The following REXO1 variants were observed in gnomAD, a reference collection of about 807,000 sequenced individuals.
REXO1 encodes the protein RNA exonuclease 1 homolog, also known as REX1, RNA exonuclease 1 homolog.
Under a neutral mutation model 102.6 loss-of-function variants are expected in REXO1, and 42 were observed. The ratio of observed to expected loss-of-function variants is 0.41; its 90% CI spans 0.32 to 0.53. REXO1 has a LOEUF of 0.53. Ranked by LOEUF, REXO1 falls within the 20% of genes least tolerant of loss-of-function variation. REXO1 has a pLI of 0.27. For synonymous variants in REXO1, 908 were observed against 779.1 expected, an observed-to-expected ratio of 1.17 and a Z score of -2.76; for missense variants, 1,819 against 1,732.5, an observed-to-expected ratio of 1.05 and a Z score of -0.89.
At position 1,816,049 on chromosome 19, in the gene REXO1, TG is replaced by T. The variant is rs1310325322; in HGVS notation, c.*16del. ...CCAGCGGGACGGCAGGAGAGGCGGG[TG>T]GGAGGCGGGCAGGCGTCATCGCTTG... On this transcript the variant is annotated 3_prime_UTR_variant, in exon 16 of 16. Transcript: ENST00000170168. 2.0e-6 allele frequency: 3 copies of T among 1,536,372 alleles called. No individual in the cohort carries two copies. In the East Asian group the frequency reaches 7.3e-5, roughly 38 times the overall value.
Position 1,826,047 on chromosome 19 carries a change from G to T in REXO1, c.1912-104C>A. ...GGCAAGTGGGGAATGGAACAGTCCA[G>T]CCCCCAGGCACAGCAGCTGAGGGCT... is the stretch of plus-strand genomic sequence containing the variant. On this transcript the variant is annotated intron_variant, in intron 2 of 15. Transcript: ENST00000170168. This position sits in a 1 kb window ranked among gnomAD's most constrained non-coding sequence, Gnocchi z 4.3. 2.5e-6 allele frequency: 2 copies of T among 785,958 alleles called. No homozygotes were observed. Among genetic ancestry groups the T allele is most frequent in the Non-Finnish European group, 4.4e-6 (2 of 456,992 alleles). The allele number at this position is 785,958 out of a possible 1,614,324, so 48.7% of individuals were successfully genotyped here.
Position 1,848,298 on chromosome 19 carries a change from C to T in REXO1, c.61G>A (p.Gly21Arg), listed in dbSNP as rs2011654551. The T allele has an allele frequency of 1.6e-6, 2 of 1,231,416 alleles. No homozygotes were observed. The highest frequency in any genetic ancestry group is 2.0e-6 in the Non-Finnish European group (2 of 981,162). The allele number at this position is 1,231,416 out of a possible 1,614,324, so 76.3% of individuals were successfully genotyped here. ...IDCPYWSGAP[G>R]GPCRRPYCHF... ...CAGTAGGGCCGCCGGCAGGGCCCCC[C>T]GGGCGCCCCAGACCAATAGGGGCAG... Residue 21 changes from glycine (G) to arginine (R), a missense_variant, in exon 1 of 16, where the codon GGG becomes AGG. Coordinates refer to ENST00000170168, the MANE Select transcript of REXO1 (RefSeq NM_020695.4).
chr19:1,835,945 C>G (rs1247845828), intron 1 of REXO1, among the ~76,000 whole-genome samples: 1 of 152,236 alleles, frequency 6.6e-6, no homozygotes, highest in Non-Finnish European at 1.5e-5. Context: ...ACCACCCATC[C>G]TGACCGCATC....
intron 11 of REXO1, 21 bp downstream of exon 11, chr19:1,817,686 G>A (rs764587488): frequency 5.5e-5 from 89 of 1,608,124 alleles, no homozygotes; most frequent in Non-Finnish European, 7.4e-5. Flanking sequence ...AGGCAGAGGG[G>A]ACTGGGACGC....
In REXO1 at chr19:1,828,544, C is replaced by G; in HGVS notation, c.245G>C (p.Arg82Pro). ...NGTLGLGEEP[R>P]PDVLELELVN... Reference sequence around the variant, plus strand: ...CAGCTCCAACTCCAGCACATCCGGGCGCGGCTCCTCCCCCAGGCCCAGGGT... The same window carrying G: ...CAGCTCCAACTCCAGCACATCCGGGGGCGGCTCCTCCCCCAGGCCCAGGGT... Residue 82 changes from arginine (R) to proline (P), a missense_variant, in exon 2 of 16, where the codon CGC becomes CCC. Transcript: ENST00000170168. The G allele has an allele frequency of 1.2e-6, 2 of 1,604,208 alleles. No individual in the cohort carries two copies. Among genetic ancestry groups the G allele is most frequent in the Non-Finnish European group, 1.7e-6 (2 of 1,179,840 alleles).
intron 4 of REXO1, 52 bp from the exon 5 acceptor site, chr19:1,821,734 C>A: frequency 6.5e-7 from 1 of 1,536,722 alleles, no homozygotes. Context: ...CCCATCACCA[C>A]GTGGCGGAGC....
In REXO1 at chr19:1,827,778, G is replaced by C. The variant is rs1485542752; in HGVS notation, c.1011C>G (p.Thr337=). 2 of 1,583,152 alleles carry C rather than the reference G, an allele frequency of 1.3e-6. No homozygotes were observed. Among genetic ancestry groups the C allele is most frequent in the Non-Finnish European group, 1.7e-6 (2 of 1,172,168 alleles). The change falls in exon 2 of 16, where the codon ACC becomes ACG. Residue 337 remains threonine (T), a synonymous_variant. Coordinates refer to ENST00000170168, the MANE Select transcript of REXO1 (RefSeq NM_020695.4). ...LEAEGGGLRE[T]KETAVQCDVG... Reference sequence around the variant, plus strand: ...CGTCGCACTGCACGGCCGTCTCCTTGGTCTCCCGCAGGCCGCCCCCCTCGG... The same window carrying C: ...CGTCGCACTGCACGGCCGTCTCCTTCGTCTCCCGCAGGCCGCCCCCCTCGG...
chr19:1,823,769 C>A lies in REXO1; in HGVS notation c.2033G>T (p.Arg678Met). Reference protein sequence around the residue: ...KQGQEVEPPRRGPAVPPARPP... With the variant: ...KQGQEVEPPRMGPAVPPARPP... ...CCGGGCCGGGGGCACCGCGGGACCC[C>A]TCCTCGGGGGCTCCACCTGCGTCAC... is the stretch of plus-strand genomic sequence containing the variant. Residue 678 changes from arginine to methionine, a missense_variant, in exon 4 of 16, where the codon AGG (arginine) becomes ATG (methionine). Coordinates refer to ENST00000170168, the MANE Select transcript of REXO1 (RefSeq NM_020695.4). The A allele has an allele frequency of 8.0e-7, 1 of 1,248,692 alleles. No homozygotes were observed. Among genetic ancestry groups the A allele is most frequent in the Non-Finnish European group, 1.0e-6 (1 of 989,440 alleles). The allele number at this position is 1,248,692 out of a possible 1,614,324, so 77.4% of individuals were successfully genotyped here. A position where few individuals can be genotyped will look rare whatever the true frequency, so the allele number is the denominator to read the frequency against.
rs774754913 is a variant in REXO1, at chr19:1,827,554, C to T, written c.1235G>A (p.Arg412His). Reference protein sequence around the residue: ...KGRGRPVEKPRADKKGPQASS... With the variant: ...KGRGRPVEKPHADKKGPQASS... ...GGCCTGCGGGCCCTTCTTGTCCGCA[C>T]GGGGCTTCTCCACAGGCCGCCCTCG... The change falls in exon 2 of 16, where the codon CGT becomes CAT. Residue 412 changes from arginine (R) to histidine (H), a missense_variant. Arg to His is a conservative substitution (Grantham distance 29, BLOSUM62 0). Transcript: ENST00000170168. 1.3e-5 allele frequency: 20 copies of T among 1,594,168 alleles called. No individual in the cohort carries two copies. The highest frequency in any genetic ancestry group is 1.1e-4 in the South Asian group (10 of 88,762).
rs768714301 is a variant in REXO1, at chr19:1,827,481, C to T, written c.1308G>A (p.Lys436=). The T allele has an allele frequency of 5.1e-6, 8 of 1,574,892 alleles. No homozygotes were observed. The East Asian group carries it at 1.6e-4, about 31-fold the overall frequency. Reference sequence around the variant, plus strand: ...TGGCCACAGGAGTGGCCGAAGATGGCTTCTTCTTGGTCCCTTCCGGCCGCT... The same window carrying T: ...TGGCCACAGGAGTGGCCGAAGATGGTTTCTTCTTGGTCCCTTCCGGCCGCT... ...KAERPEGTKK[K]PSSATPVATS... Residue 436 remains lysine, a synonymous_variant, in exon 2 of 16, where the codon AAG becomes AAA. Coordinates refer to ENST00000170168, the MANE Select transcript of REXO1 (RefSeq NM_020695.4).
chr19:1,845,296 G>A (rs1185904607), intron 1 of REXO1, among the ~76,000 whole-genome samples: 1 of 152,172 alleles, frequency 6.6e-6, no homozygotes, highest in Non-Finnish European at 1.5e-5. Flanking sequence ...TGCGTCCCAG[G>A]GCTACACGGT....
chr19:1,841,470 A>C (rs1280878962), intron 1 of REXO1, among the ~76,000 whole-genome samples: 1 of 152,222 alleles, frequency 6.6e-6, no homozygotes, highest in South Asian at 2.1e-4. Context: ...TCACACTCAG[A>C]TGCCACGACC....
intron 1 of REXO1, among the ~76,000 whole-genome samples, chr19:1,839,562 GGTGACCT>G (rs2011201681): frequency 6.6e-6 from 1 of 152,234 alleles, no homozygotes; most frequent in Non-Finnish European, 1.5e-5. Flanking sequence ...TTTGTTACTT[GGTGACCT>G]GTGTGCAGAT....
chr19:1,820,536 C>A, intron 5 of REXO1, 141 bp from the exon 6 acceptor site: 1 of 941,950 alleles, frequency 1.1e-6, no homozygotes. Context: ...GCAGTAGGGA[C>A]AGACACGCCA....
intron 1 of REXO1, among the ~76,000 whole-genome samples, chr19:1,839,930 T>A (rs1236783199): frequency 6.6e-6 from 1 of 152,214 alleles, no homozygotes; most frequent in East Asian, 1.9e-4. Context: ...GGCTTCCAGA[T>A]CCTGTCTCCC....
Position 1,817,700 on chromosome 19 carries a change from G to A in REXO1, c.3090+7C>T. 6.2e-7 allele frequency: 1 copy of A among 1,611,706 alleles called. No homozygotes were observed. The highest frequency in any genetic ancestry group is 8.5e-7 in the Non-Finnish European group (1 of 1,179,266). On this transcript the variant is annotated splice_region_variant and intron_variant, in intron 11 of 15. Coordinates refer to ENST00000170168, the MANE Select transcript of REXO1 (RefSeq NM_020695.4). ...CAGGCAGAGGGGACTGGGACGCCAGGGCTCACCTTTGCGACTTGGCAGCCG... is the reference window on the plus strand; with the variant it reads ...CAGGCAGAGGGGACTGGGACGCCAGAGCTCACCTTTGCGACTTGGCAGCCG...
intron 4 of REXO1, 105 bp downstream of exon 4, chr19:1,823,467 A>T: frequency 1.2e-6 from 1 of 804,794 alleles, no homozygotes; most frequent in Non-Finnish European, 1.7e-6. Flanking sequence ...TCATCCCATG[A>T]GCAAGCACCA....
At chr19:1,846,170 C>T (rs558591630) in intron 1 of REXO1, among the ~76,000 whole-genome samples, 48 of 152,190 alleles carry the variant, frequency 3.2e-4, no homozygotes, top group Non-Finnish European at 6.6e-4. Flanking sequence ...GAAGACATGG[C>T]AAAGGCTAGA....
At position 1,823,551 on chromosome 19, in the gene REXO1, GC is replaced by G. The variant is rs1294718894; in HGVS notation, c.2230+20del. 4.7e-6 allele frequency: 6 copies of G among 1,287,458 alleles called. No homozygotes were observed. Among genetic ancestry groups the G allele is most frequent in the East Asian group, 3.1e-5 (1 of 32,092 alleles). 79.8% of individuals were successfully genotyped at this position (1,287,458 alleles called of 1,614,324 possible). ...ACATGCCCACGGCCCCCCGGCACAG[GC>G]CCCCTGGGCCAGGACTCACCTGCAG... On this transcript the variant is annotated intron_variant, in intron 4 of 15. Coordinates refer to ENST00000170168, the MANE Select transcript of REXO1 (RefSeq NM_020695.4).
Sources: allele counts gnomAD v4.1 joint callset (sites outside exome capture counted in the v4.1 genomes callset), GRCh38; gene constraint gnomAD v4.1.1; non-coding constraint Gnocchi (gnomAD v3.1); transcripts MANE v1.5; gene names NCBI Gene and HGNC (gene_info 2026-07-23, HGNC 2026-07-21).